The following SV2C variants were observed in gnomAD, a reference collection of about 807,000 sequenced individuals.
The protein encoded by SV2C is solute carrier family 22 member B3.
SV2C carries 49 observed loss-of-function variants against 79.7 expected under a neutral mutation model. That is an observed-to-expected ratio of 0.61 (90% CI 0.49 to 0.78). The LOEUF is 0.78. Ranked by LOEUF, SV2C falls within the 30% of genes least tolerant of loss-of-function variation. SV2C has a pLI of 0.00. For synonymous variants in SV2C, 334 were observed against 333.2 expected (o/e 1.00, Z -0.03); for missense variants, 833 against 912.9 (o/e 0.91, Z 1.13).
intron 1 of SV2C, chr5:76,084,187 A>G (rs1470453587): frequency 2.6e-5 from 4 of 152,346 alleles, no homozygotes; most frequent in Admixed American, 2.6e-4. Context: ...TGCACTTCCT[A>G]CGTTACAACG....
At chr5:76,104,607 A>G (rs544710587) in intron 1 of SV2C, among the ~76,000 whole-genome samples, 2 of 152,328 alleles carry the variant, frequency 1.3e-5, no homozygotes, top group South Asian at 2.1e-4. Flanking sequence ...AACCTCTGAC[A>G]TAGTTAATCA....
At chr5:76,046,687 T>G in the SV2C span, among the ~76,000 whole-genome samples, 1 of 152,146 alleles carries the variant, frequency 6.6e-6, no homozygotes, top group Non-Finnish European at 1.5e-5. Flanking sequence ...AAGTCAGTAT[T>G]TTTAAAAGAA....
chr5:75,912,532 AC>A, the SV2C span, among the ~76,000 whole-genome samples: 1 of 151,446 alleles, frequency 6.6e-6, no homozygotes, highest in East Asian at 1.9e-4. Context: ...GAAATAGAAA[AC>A]CCCCCACAAC....
At chr5:76,036,686 T>A in the SV2C span, among the ~76,000 whole-genome samples, 2 of 152,246 alleles carry the variant, frequency 1.3e-5, no homozygotes, top group Middle Eastern at 3.2e-3. Context: ...CATTTTTTCC[T>A]TCATTTCAAC....
the SV2C span, among the ~76,000 whole-genome samples, chr5:76,034,575 A>G: frequency 1.9e-4 from 29 of 152,350 alleles, no homozygotes; most frequent in South Asian, 6.0e-3. Flanking sequence ...ATATTGAACC[A>G]GCCTTGCATC....
At chr5:75,870,236 G>C in the SV2C span, among the ~76,000 whole-genome samples, 1 of 151,910 alleles carries the variant, frequency 6.6e-6, no homozygotes, top group Non-Finnish European at 1.5e-5. Flanking sequence ...TAGCTGCTTT[G>C]GGAAACTCAA....
intron 1 of SV2C, among the ~76,000 whole-genome samples, chr5:76,089,418 C>T (rs1173322698): frequency 1.3e-5 from 2 of 152,168 alleles, no homozygotes; most frequent in African/African-American, 4.8e-5. Context: ...TTTCTATATC[C>T]ACCTTATCAT....
intron 1 of SV2C, among the ~76,000 whole-genome samples, chr5:76,099,654 C>T (rs941885311): frequency 6.6e-6 from 1 of 152,202 alleles, no homozygotes; most frequent in African/African-American, 2.4e-5. Context: ...AGCTTCTCAA[C>T]ATAACATCTT....
the SV2C span, among the ~76,000 whole-genome samples, chr5:76,026,147 A>C: frequency 1.3e-5 from 2 of 151,266 alleles, no homozygotes; most frequent in Non-Finnish European, 3.0e-5. Flanking sequence ...AGAACTACTG[A>C]TCTAAAACCT....
chr5:76,189,279 G>A (rs1170690631), intron 2 of SV2C, among the ~76,000 whole-genome samples: 1 of 151,948 alleles, frequency 6.6e-6, no homozygotes, highest in African/African-American at 2.4e-5. Flanking sequence ...CACAGCTGCT[G>A]CCCTGTTGTC....
the SV2C span, among the ~76,000 whole-genome samples, chr5:75,977,482 T>C: frequency 6.6e-6 from 1 of 152,368 alleles, no homozygotes; most frequent in Non-Finnish European, 1.5e-5. Context: ...ATGGATGAGA[T>C]GTTGCCTGAT....
intron 4 of SV2C, among the ~76,000 whole-genome samples, chr5:76,220,990 C>T (rs114186293): frequency 0.048 from 7,263 of 152,240 alleles, 261 homozygotes; most frequent in Middle Eastern, 0.095. Flanking sequence ...TGTTTATTCC[C>T]GGCAGCAGGG....
rs143321817 is a variant in SV2C at position 76,131,602 on chromosome 5, A to G, written c.-101-48A>G. ...TCAAGAAATAGACGGTAAAAAATATATATATAGAAAGGAATAATAAGTATC... is the reference window on the plus strand; with the variant it reads ...TCAAGAAATAGACGGTAAAAAATATGTATATAGAAAGGAATAATAAGTATC... On this transcript the variant is annotated intron_variant, in intron 1 of 12. Coordinates refer to ENST00000502798, the MANE Select transcript of SV2C (RefSeq NM_014979.4). 634 of 496,910 alleles carry G rather than the reference A, an allele frequency of 1.3e-3. 4 individuals carry two copies. The highest frequency in any genetic ancestry group is 0.012 in the African/African-American group (591 of 50,554). 30.8% of individuals were successfully genotyped at this position (496,910 alleles called of 1,614,324 possible). A position where few individuals can be genotyped will look rare whatever the true frequency, so the allele number is the denominator to read the frequency against.
the SV2C span, among the ~76,000 whole-genome samples, chr5:76,048,999 GAAAGAAAGAAAGAAAGAAAGAAAGA>G: frequency 2.4e-4 from 21 of 86,354 alleles, 1 homozygote; most frequent in East Asian, 0.014. Context: ...AAGAAAGAAA[GAAAGAAAGAAAGAAAGAAAGAAAGA>G]AAAAGAAAAG....
chr5:76,035,635 T>A, the SV2C span, among the ~76,000 whole-genome samples: 1 of 152,208 alleles, frequency 6.6e-6, no homozygotes, highest in African/African-American at 2.4e-5. Context: ...TTCTGTTCTT[T>A]TACATTTCCT....
chr5:75,866,483 A>G, the SV2C span, among the ~76,000 whole-genome samples: 1 of 152,226 alleles, frequency 6.6e-6, no homozygotes, highest in African/African-American at 2.4e-5. Flanking sequence ...CTGAAGCTCA[A>G]AGAAGATAGT....
chr5:76,073,534 T>C, the SV2C span, among the ~76,000 whole-genome samples: 1 of 129,934 alleles, frequency 7.7e-6, no homozygotes, highest in Non-Finnish European at 1.6e-5. Context: ...TATATATATA[T>C]ATATATATAT....
chr5:75,892,960 G>T, the SV2C span, among the ~76,000 whole-genome samples: 15 of 152,192 alleles, frequency 9.9e-5, no homozygotes, highest in Middle Eastern at 3.4e-3. Flanking sequence ...TTGCTGGGAT[G>T]ATTGGTAGCT....
chr5:76,210,032 T>C (rs2112355366), intron 4 of SV2C, 145 bp downstream of exon 4: 1 of 1,022,936 alleles, frequency 9.8e-7, no homozygotes, highest in South Asian at 1.7e-5. Context: ...CAGGAGTTTT[T>C]CCCCTCTGTG....
Sources: gnomAD v4.1 joint callset for allele counts (sites outside exome capture counted in the v4.1 genomes callset) on GRCh38, gnomAD v4.1.1 for gene constraint, MANE v1.5 for transcripts, NCBI Gene and HGNC (gene_info 2026-07-23, HGNC 2026-07-21) for gene names.